Variants in GPHN observed in about 807,000 individuals in gnomAD.
GPHN encodes gephyrin.
GPHN carries 17 observed loss-of-function variants against 95.5 expected under a neutral mutation model. That is an observed-to-expected ratio of 0.18 (90% CI 0.12 to 0.27). The LOEUF is 0.27. Among genes scored for constraint, GPHN ranks in the 10% least tolerant of loss-of-function variants. The pLI is 1.00. For missense variants in GPHN, 660 were observed against 978.1 expected (o/e 0.67, Z 4.34); for synonymous variants, 320 against 322.5 (o/e 0.99, Z 0.08).
At chr14:67,570,117 T>C in the GPHN span, 1 of 840,340 alleles carries the variant, frequency 1.2e-6, no homozygotes, top group South Asian at 1.5e-5. Flanking sequence ...CTGCACATGG[T>C]GACCCTGCCC....
chr14:67,187,390 C>A, the GPHN span, among the ~76,000 whole-genome samples: 1 of 152,064 alleles, frequency 6.6e-6, no homozygotes, highest in Non-Finnish European at 1.5e-5. Context: ...CACCTTTTCC[C>A]TCCCTAAGCC....
intron 2 of GPHN, among the ~76,000 whole-genome samples, chr14:66,740,157 A>G (rs2072671469): frequency 6.6e-6 from 1 of 152,182 alleles, no homozygotes; most frequent in African/African-American, 2.4e-5. Flanking sequence ...TATATCTCAC[A>G]AAAATGTCTA....
At chr14:67,448,925 G>A in the GPHN span, among the ~76,000 whole-genome samples, 2 of 152,160 alleles carry the variant, frequency 1.3e-5, no homozygotes, top group Non-Finnish European at 2.9e-5. Flanking sequence ...TTCTCTTCAT[G>A]GCTGTGAAAG....
the GPHN span, chr14:67,473,196 C>T: frequency 1.7e-6 from 1 of 599,930 alleles, no homozygotes. This position sits in a 1 kb window ranked among gnomAD's most constrained non-coding sequence, Gnocchi z 6.5. Flanking sequence ...GATCCATGGA[C>T]CCTTCCCAAT....
chr14:67,395,366 G>C, the GPHN span: 1 of 1,591,122 alleles, frequency 6.3e-7, no homozygotes, highest in South Asian at 1.1e-5. Flanking sequence ...ACAGGCAGGA[G>C]AGGCTGCCAC....
Position 67,001,982 on chromosome 14 carries a change from A to G in GPHN, c.964-21651A>G, listed in dbSNP as rs181609917. Among the ~76,000 whole-genome samples, 9 of 151,772 alleles carry G rather than the reference A, an allele frequency of 5.9e-5. No individual in the cohort carries two copies. The East Asian group carries it at 1.5e-3, about 26-fold the overall frequency. ...GAAATGTATAGCCTAGACTTTGGCA[A>G]GTAGAATTATCAATTTTCCCTGGTC... is the stretch of plus-strand genomic sequence containing the variant. On this transcript the variant is annotated intron_variant, in intron 9 of 22. Coordinates refer to ENST00000478722, the MANE Select transcript of GPHN (RefSeq NM_020806.5).
chr14:66,778,379 CAATTA>C (rs960343933), intron 3 of GPHN, among the ~76,000 whole-genome samples: 81 of 152,188 alleles, frequency 5.3e-4, no homozygotes, highest in African/African-American at 1.9e-3. Flanking sequence ...ATGCCAATTG[CAATTA>C]AAAATTTACA....
In GPHN at chr14:66,631,295, C is replaced by T. The variant is rs560444894; in HGVS notation, c.65-49812C>T. On this transcript the variant is annotated intron_variant, in intron 1 of 22. Transcript: ENST00000478722. ...AACTCCTGACCTCATGATCCACCCA[C>T]CTCGGCCTCCCAAAGTGCTGGGATT... 5.9e-5 allele frequency among the ~76,000 whole-genome samples: 9 copies of T among 152,264 alleles called. No individual in the cohort carries two copies. The East Asian group carries it at 1.7e-3, about 29-fold the overall frequency.
the GPHN span, chr14:67,586,912 C>A: frequency 1.3e-6 from 2 of 1,536,954 alleles, no homozygotes; most frequent in Non-Finnish European, 8.7e-7. Context: ...GGCCTCTGAA[C>A]AGCACAGTTA....
chr14:66,965,889 T>TA (rs398118318), intron 9 of GPHN, among the ~76,000 whole-genome samples: 1 of 151,990 alleles, frequency 6.6e-6, no homozygotes, highest in African/African-American at 2.4e-5. Context: ...TCTTTTTTTT[T>TA]ATAATCTGTC....
intron 10 of GPHN, among the ~76,000 whole-genome samples, chr14:67,038,419 A>G (rs1212981265): frequency 1.3e-5 from 2 of 152,158 alleles, no homozygotes; most frequent in Non-Finnish European, 2.9e-5. Context: ...TTTTTAACAT[A>G]AATACTTAAA....
chr14:66,594,106 CAA>C (rs2061871761), intron 1 of GPHN, among the ~76,000 whole-genome samples: 1 of 151,920 alleles, frequency 6.6e-6, no homozygotes, highest in African/African-American at 2.4e-5. Context: ...TAAATTTACC[CAA>C]AGAGGTAAAA....
chr14:67,388,100 C>T, the GPHN span: 1 of 620,102 alleles, frequency 1.6e-6, no homozygotes, highest in Non-Finnish European at 2.9e-6. Context: ...AAACTCACAC[C>T]ACTCTGTCTC....
intron 2 of GPHN, among the ~76,000 whole-genome samples, chr14:66,773,641 C>T (rs772144451): frequency 2.6e-4 from 40 of 152,006 alleles, no homozygotes; most frequent in Non-Finnish European, 4.9e-4. Context: ...CATGAGCCAC[C>T]GCACCAGATG....
intron 4 of GPHN, among the ~76,000 whole-genome samples, chr14:66,867,533 A>C (rs996041968): frequency 6.6e-6 from 1 of 152,172 alleles, no homozygotes; most frequent in African/African-American, 2.4e-5. Flanking sequence ...ATGATGTCCC[A>C]AGAAAAATAT....
chr14:66,591,380 A>G (rs577954693), intron 1 of GPHN, among the ~76,000 whole-genome samples: 3 of 152,366 alleles, frequency 2.0e-5, no homozygotes, highest in East Asian at 3.9e-4. Context: ...CTCTTTGCAG[A>G]TAACATGACT....
At chr14:67,531,487 G>C in the GPHN span, among the ~76,000 whole-genome samples, 92,187 of 151,808 alleles carry the variant, frequency 0.61, 28,426 homozygotes, top group Non-Finnish European at 0.66. Flanking sequence ...CTCATTGAAA[G>C]TAACAACTGA....
At chr14:67,252,695 C>T in the GPHN span, among the ~76,000 whole-genome samples, 1 of 152,168 alleles carries the variant, frequency 6.6e-6, no homozygotes, top group Non-Finnish European at 1.5e-5. Context: ...AAGACCCACA[C>T]ATTTGATGTC....
At chr14:67,088,278 T>C (rs2076989685) in intron 11 of GPHN, among the ~76,000 whole-genome samples, 1 of 152,150 alleles carries the variant, frequency 6.6e-6, no homozygotes, top group East Asian at 1.9e-4. Context: ...AAAACATAAA[T>C]CTAACATTCT....
Sources: gnomAD v4.1 joint callset for allele counts (sites outside exome capture counted in the v4.1 genomes callset) on GRCh38, gnomAD v4.1.1 for gene constraint, Gnocchi (gnomAD v3.1) non-coding constraint, MANE v1.5 for transcripts, NCBI Gene and HGNC (gene_info 2026-07-23, HGNC 2026-07-21) for gene names.